TTC39B: variants seen among roughly 807,000 people sequenced by gnomAD.
The protein encoded by TTC39B is tetratricopeptide repeat protein 39B.
A neutral mutation model predicts 96.6 loss-of-function variants in TTC39B; 92 were observed. The observed-to-expected ratio is 0.95, with a 90% CI of 0.80 to 1.13. The LOEUF (loss-of-function observed/expected upper bound fraction) is 1.13. TTC39B is among the 50% of genes most tolerant of loss of function. The pLI, the probability that TTC39B is intolerant of heterozygous loss-of-function variation, is 0.00. For missense variants in TTC39B, 955 were observed against 809.3 expected, an observed-to-expected ratio of 1.18 and a Z score of -2.18; for synonymous variants, 367 against 299.4, an observed-to-expected ratio of 1.23 and a Z score of -2.33.
At chr9:15,234,458 G>A (rs533253584) in intron 2 of TTC39B, among the ~76,000 whole-genome samples, 408 of 150,202 alleles carry the variant, frequency 2.7e-3, no homozygotes, top group African/African-American at 9.1e-3. Context: ...GGTGAGGGGC[G>A]CCTCTGCCCG....
At chr9:15,206,939 T>C (rs1235878547) in intron 6 of TTC39B, among the ~76,000 whole-genome samples, 1 of 152,114 alleles carries the variant, frequency 6.6e-6, no homozygotes, top group East Asian at 1.9e-4. Flanking sequence ...GTTTGGATCA[T>C]GGGGGTGGTT....
intron 8 of TTC39B, among the ~76,000 whole-genome samples, chr9:15,199,628 G>GGGAGGATGAGGCA (rs1198735529): frequency 6.7e-6 from 1 of 149,918 alleles, no homozygotes; most frequent in East Asian, 2.0e-4. Flanking sequence ...CCAGCTACTC[G>GGGAGGATGAGGCA]GGAGGATGAG....
chr9:15,169,986 G>C (rs1028510826), exon 20 of TTC39B: 1 of 152,086 alleles, frequency 6.6e-6, no homozygotes, highest in Non-Finnish European at 1.5e-5. Context: ...GTGAGTGTGC[G>C]CTTTCAAAAA....
chr9:15,205,049 A>G (rs1476387318), intron 6 of TTC39B, among the ~76,000 whole-genome samples: 1 of 152,234 alleles, frequency 6.6e-6, no homozygotes, highest in Non-Finnish European at 1.5e-5. Context: ...TGAGCTGCTA[A>G]AAAGGCTCTG....
At chr9:15,167,032 T>A (rs868027019) in exon 20 of TTC39B, 139 of 21,328 alleles carry the variant, frequency 6.5e-3, no homozygotes, top group Non-Finnish European at 9.7e-3. Flanking sequence ...ATATATATTT[T>A]TTTTTTTTTT....
rs370835441 is a variant in TTC39B at position 15,203,850 on chromosome 9, T to C, written c.732A>G (p.Leu244=). The C allele has an allele frequency of 2.5e-5, 41 of 1,613,484 alleles. No homozygotes were observed. In the African/African-American group the frequency reaches 2.8e-4, roughly 11 times the overall value. ...GCACAAACGTGAGTGCAGCTTTCTG[T>C]AGGAGACACTCGGCATAACAGATTT... The change falls in exon 7 of 20, where the codon CTA becomes CTG. Residue 244 remains leucine, a synonymous_variant. Transcript: ENST00000512701.
rs571959730 is a variant in TTC39B at position 15,234,577 on chromosome 9, C to T, written c.276-8565G>A. ...GGCCATGATGACAATGGCGGTTTTG[C>T]GGAATAGAAAGAGGGGAAAGGTGGG... On this transcript the variant is annotated intron_variant, in intron 2 of 19. Coordinates refer to ENST00000512701, the Ensembl canonical transcript of TTC39B. 6.0e-3 allele frequency among the ~76,000 whole-genome samples: 918 copies of T among 152,044 alleles called. 8 individuals carry two copies. The highest frequency in any genetic ancestry group is 0.021 in the African/African-American group (856 of 41,442).
At chr9:15,211,536 A>C (rs1820200680) in intron 4 of TTC39B, 139 bp from the exon 5 acceptor site, 1 of 762,018 alleles carries the variant, frequency 1.3e-6, no homozygotes, top group Non-Finnish European at 1.8e-6. Flanking sequence ...TGGGTGGTGA[A>C]AAGTAACCTC....
At position 15,214,171 on chromosome 9, in the gene TTC39B, T is replaced by C. The variant is rs578061974; in HGVS notation, c.450A>G (p.Lys150=). 5.0e-6 allele frequency: 8 copies of C among 1,613,956 alleles called. No homozygotes were observed. The African/African-American group carries it at 1.1e-4, about 22-fold the overall frequency. The change falls in exon 4 of 20, where the codon AAA becomes AAG. Residue 150 remains lysine, a synonymous_variant. Coordinates refer to ENST00000512701, the Ensembl canonical transcript of TTC39B. ...GAAGCAATTCTAAGGCGTCTGTAAA[T>C]TTGTTGCTTAGAAATAAGTTCAATG...
intron 19 of TTC39B, among the ~76,000 whole-genome samples, chr9:15,174,537 C>A (rs1195614471): frequency 4.3e-4 from 66 of 152,124 alleles, no homozygotes; most frequent in Admixed American, 4.3e-3. Context: ...TTCACAAGAT[C>A]AATGGCTCTT....
intron 2 of TTC39B, among the ~76,000 whole-genome samples, chr9:15,234,736 C>G (rs898019454): frequency 6.6e-6 from 1 of 151,676 alleles, no homozygotes; most frequent in Non-Finnish European, 1.5e-5. Context: ...TTACCCCCAA[C>G]CCTGTGCTCT....
At chr9:15,164,445 T>G (rs1817483104) in exon 20 of TTC39B, 1 of 152,192 alleles carries the variant, frequency 6.6e-6, no homozygotes, top group Non-Finnish European at 1.5e-5. Flanking sequence ...CATGTCAAGT[T>G]AACAGAGGTT....
chr9:15,292,656 T>C (rs139474688), intron 1 of TTC39B, among the ~76,000 whole-genome samples: 8 of 152,284 alleles, frequency 5.3e-5, no homozygotes, highest in East Asian at 3.9e-4. Context: ...GACTGTGACA[T>C]TGGTGATCCT....
intron 1 of TTC39B, among the ~76,000 whole-genome samples, chr9:15,274,724 C>T (rs1346268763): frequency 6.7e-6 from 1 of 148,750 alleles, no homozygotes; most frequent in East Asian, 1.9e-4. Flanking sequence ...TGAAAAAAAA[C>T]TAACACTAAG....
intron 2 of TTC39B, among the ~76,000 whole-genome samples, chr9:15,235,213 T>A (rs1348697523): frequency 2.0e-5 from 3 of 152,086 alleles, no homozygotes; most frequent in African/African-American, 2.4e-5. Flanking sequence ...AATAATTTTT[T>A]AAAAAATAGC....
At chr9:15,299,680 G>A (rs138679320) in intron 1 of TTC39B, among the ~76,000 whole-genome samples, 14 of 152,290 alleles carry the variant, frequency 9.2e-5, no homozygotes, top group African/African-American at 2.9e-4. Flanking sequence ...AGGAGACTCC[G>A]CCTGAGATGC....
intron 1 of TTC39B, among the ~76,000 whole-genome samples, chr9:15,269,865 GA>G (rs35716121): frequency 0.65 from 91,085 of 140,544 alleles, 29,489 homozygotes; most frequent in African/African-American, 0.8. Context: ...CAAAAAAAAA[GA>G]AAAAAAAAAA....
At chr9:15,201,508 A>C (rs1377123604) in intron 7 of TTC39B, among the ~76,000 whole-genome samples, 1 of 152,200 alleles carries the variant, frequency 6.6e-6, no homozygotes, top group African/African-American at 2.4e-5. Flanking sequence ...TAAGCACAAA[A>C]ATAATTAGAA....
intron 2 of TTC39B, among the ~76,000 whole-genome samples, chr9:15,232,668 T>C (rs941438036): frequency 6.6e-6 from 1 of 152,194 alleles, no homozygotes; most frequent in African/African-American, 2.4e-5. Flanking sequence ...ACTAATATCC[T>C]TTAAAAAACA....
Sources: allele counts gnomAD v4.1 joint callset (sites outside exome capture counted in the v4.1 genomes callset), GRCh38; gene constraint gnomAD v4.1.1; transcripts MANE v1.5; gene names NCBI Gene and HGNC (gene_info 2026-07-23, HGNC 2026-07-21).